The following FRAS1 variants were observed in gnomAD, a reference collection of about 807,000 sequenced individuals.
FRAS1 encodes extracellular matrix organizing protein FRAS1.
In FRAS1, 290 loss-of-function variants were observed where a neutral mutation model predicts 435.2. That is an observed-to-expected ratio of 0.67 (90% CI 0.61 to 0.73). FRAS1 has a LOEUF of 0.73. Ranked by LOEUF, FRAS1 falls within the 30% of genes least tolerant of loss-of-function variation. The pLI, the probability that FRAS1 is intolerant of heterozygous loss-of-function variation, is 0.00. For synonymous variants in FRAS1, 1,800 were observed against 1,851.0 expected, an observed-to-expected ratio of 0.97 and a Z score of 0.71; for missense variants, 4,860 against 5,001.5, an observed-to-expected ratio of 0.97 and a Z score of 0.85.
At chr4:78,102,677 A>T (rs533358505) in intron 2 of FRAS1, among the ~76,000 whole-genome samples, 1 of 152,328 alleles carries the variant, frequency 6.6e-6, no homozygotes, top group East Asian at 1.9e-4. Flanking sequence ...GAGGGCTACT[A>T]TAAAGATTTT....
chr4:78,432,446 T>C lies in FRAS1; in HGVS notation c.5059T>C (p.Ser1687Pro), dbSNP rs1337018015. ...TACCCGGGAAGACAGCATGGAGATC[T>C]CAGTCACAGATGGCCTCACAGTGAC... ...SSTREDSMEI[S>P]VTDGLTVTML... is the part of the protein sequence containing the mutation. The change falls in exon 38 of 74, where the codon TCA becomes CCA. Residue 1687 changes from serine (S) to proline (P), a missense_variant. Physicochemically the swap from Ser to Pro is moderately conservative, Grantham distance 74 (BLOSUM62 -1). Transcript: ENST00000512123. The C allele has an allele frequency of 1.9e-6, 3 of 1,613,242 alleles. No homozygotes were observed. In the Admixed American group the frequency reaches 5.0e-5, roughly 27 times the overall value.
intron 60 of FRAS1, among the ~76,000 whole-genome samples, chr4:78,498,236 G>A (rs1720564755): frequency 6.6e-6 from 1 of 152,220 alleles, no homozygotes; most frequent in Non-Finnish European, 1.5e-5. Context: ...AAGGCCGGGT[G>A]CAGTGGCTCA....
chr4:78,448,860 G>A (rs769593931), intron 44 of FRAS1, among the ~76,000 whole-genome samples: 1 of 152,184 alleles, frequency 6.6e-6, no homozygotes, highest in Non-Finnish European at 1.5e-5. Context: ...TGTGACAAGT[G>A]TGAGTCTTGA....
chr4:78,308,308 C>T (rs897415935), intron 15 of FRAS1, 99 bp downstream of exon 15: 1 of 1,243,162 alleles, frequency 8.0e-7, no homozygotes, highest in East Asian at 2.5e-5. Flanking sequence ...GTTTCTTTTA[C>T]TCAACATATA....
intron 2 of FRAS1, among the ~76,000 whole-genome samples, chr4:78,148,203 A>T (rs1246158848): frequency 6.6e-6 from 1 of 152,028 alleles, no homozygotes; most frequent in Non-Finnish European, 1.5e-5. Context: ...TGCTACAAAG[A>T]CTCGTAGAAT....
At chr4:78,396,671 G>A (rs1211854060) in intron 29 of FRAS1, among the ~76,000 whole-genome samples, 1 of 152,060 alleles carries the variant, frequency 6.6e-6, no homozygotes, top group East Asian at 1.9e-4. Context: ...TTTATTTGAT[G>A]GTGTCCCATA....
chr4:78,087,614 A>G (rs1192378025), intron 2 of FRAS1, among the ~76,000 whole-genome samples: 4 of 152,224 alleles, frequency 2.6e-5, no homozygotes, highest in Non-Finnish European at 5.9e-5. Flanking sequence ...AATCACAAGC[A>G]TTCTTATACA....
At chr4:78,272,599 T>G (rs1292898329) in intron 9 of FRAS1, among the ~76,000 whole-genome samples, 1 of 152,236 alleles carries the variant, frequency 6.6e-6, no homozygotes, top group Non-Finnish European at 1.5e-5. Flanking sequence ...TTTTGTCACG[T>G]TTGTCAAATA....
At chr4:78,385,777 C>G (rs756356536) in intron 28 of FRAS1, among the ~76,000 whole-genome samples, 7 of 151,242 alleles carry the variant, frequency 4.6e-5, no homozygotes, top group South Asian at 2.1e-4. Context: ...CCCAGCTACT[C>G]GGGAGGCTGA....
At chr4:78,245,370 C>A in intron 4 of FRAS1, 45 bp downstream of exon 4, 1 of 1,306,046 alleles carries the variant, frequency 7.7e-7, no homozygotes, top group Non-Finnish European at 1.1e-6. Context: ...CTGCAGATCT[C>A]TGACAAGGGA....
At chr4:78,353,919 A>G (rs1730740832) in intron 20 of FRAS1, among the ~76,000 whole-genome samples, 1 of 23,794 alleles carries the variant, frequency 4.2e-5, no homozygotes, top group South Asian at 7.5e-4. Context: ...TAGTGGGTGC[A>G]GCGCACCAGC....
In FRAS1 at chr4:78,452,336, G is replaced by A. The variant is rs1288362435; in HGVS notation, c.6745G>A (p.Glu2249Lys). The A allele has an allele frequency of 2.5e-6, 4 of 1,604,674 alleles. No individual in the cohort carries two copies. In the East Asian group the frequency reaches 8.9e-5, roughly 36 times the overall value. Reference protein sequence around the residue: ...ITRQPQLGHLEHAASPGIQIS... With the variant: ...ITRQPQLGHLKHAASPGIQIS... ...CAGACAGCCCCAGCTGGGCCACTTG[G>A]AACATGCAGCATCACCAGGTAAGTC... Residue 2249 changes from glutamate (E) to lysine (K), a missense_variant, in exon 47 of 74, where the codon GAA (glutamate) becomes AAA (lysine). By Grantham distance (56) the Glu-to-Lys change is moderately conservative (BLOSUM62 1). Transcript: ENST00000512123.
chr4:78,285,080 T>C (rs1211340227), intron 13 of FRAS1, among the ~76,000 whole-genome samples: 1 of 152,210 alleles, frequency 6.6e-6, no homozygotes, highest in Admixed American at 6.5e-5. Flanking sequence ...AGAATGGGTT[T>C]ATGTGCATTT....
intron 2 of FRAS1, among the ~76,000 whole-genome samples, chr4:78,177,153 T>C (rs551080599): frequency 6.6e-6 from 1 of 151,398 alleles, no homozygotes; most frequent in East Asian, 2.0e-4. Context: ...AGTGGCGCTA[T>C]CTCGGCTCAC....
intron 1 of FRAS1, among the ~76,000 whole-genome samples, chr4:78,061,019 A>C (rs969822874): frequency 6.6e-6 from 1 of 151,748 alleles, no homozygotes; most frequent in African/African-American, 2.4e-5. Context: ...GCCAATTTTC[A>C]CATTTTTAGT....
rs78275696 is a variant in FRAS1 at position 78,081,067 on chromosome 4, C to T, written c.108+15051C>T. 4.9e-3 allele frequency among the ~76,000 whole-genome samples: 751 copies of T among 152,222 alleles called. 4 individuals are homozygous for T. Among genetic ancestry groups the T allele is most frequent in the Non-Finnish European group, 6.8e-3 (462 of 68,010 alleles). ...GGATCCCCCTGGAAAAGAGCTTCAA[C>T]GCTGAAAACAACTGGAATTCAGACA... On this transcript the variant is annotated intron_variant, in intron 2 of 73. Transcript: ENST00000512123.
At chr4:78,466,148 TCA>T in intron 49 of FRAS1, 58 bp from the exon 50 acceptor site, 1 of 1,401,312 alleles carries the variant, frequency 7.1e-7, no homozygotes, top group East Asian at 2.3e-5. Flanking sequence ...TGGGCATCAC[TCA>T]CTCTTTTGGT....
rs772853701 is a variant in FRAS1, at chr4:78,429,231, G to A, written c.4843+5G>A. On this transcript the variant is annotated splice_donor_5th_base_variant and intron_variant, in intron 36 of 73. Coordinates refer to ENST00000512123, the MANE Select transcript of FRAS1 (RefSeq NM_025074.7). The stretch of plus-strand genomic sequence containing the variant: ...CAGGAGGCAGCACTTCTGTAGGTAA[G>A]AACTGGGAGCCTGATAGAAACATGG... The A allele has an allele frequency of 1.9e-6, 3 of 1,604,278 alleles. No homozygotes were observed. Among genetic ancestry groups the A allele is most frequent in the Non-Finnish European group, 2.6e-6 (3 of 1,175,130 alleles).
chr4:78,259,393 G>A (rs1725964462), intron 6 of FRAS1, among the ~76,000 whole-genome samples: 1 of 144,204 alleles, frequency 6.9e-6, no homozygotes. Flanking sequence ...TTTAATGATT[G>A]CCATTCTGAC....
Sources: allele counts gnomAD v4.1 joint callset (sites outside exome capture counted in the v4.1 genomes callset), GRCh38; gene constraint gnomAD v4.1.1; transcripts MANE v1.5; gene names NCBI Gene and HGNC (gene_info 2026-07-23, HGNC 2026-07-21).